Variants in PRELP observed in about 807,000 individuals in gnomAD.
PRELP encodes proline and arginine rich end leucine rich repeat protein.
In PRELP, 16 loss-of-function variants were observed where a neutral mutation model predicts 22.8. The observed-to-expected ratio is 0.70, with a 90% CI of 0.47 to 1.06. PRELP has a LOEUF of 1.06. PRELP is among the 50% of genes least tolerant of loss of function. PRELP has a pLI of 0.00. For synonymous variants in PRELP, 233 were observed against 211.4 expected (o/e 1.10, Z -0.89); for missense variants, 434 against 485.2 (o/e 0.89, Z 0.99).
intron 1 of PRELP, among the ~76,000 whole-genome samples, chr1:203,477,452 C>T (rs1300161556): frequency 6.6e-6 from 1 of 152,162 alleles, no homozygotes; most frequent in Admixed American, 6.5e-5. Context: ...ATATATACCA[C>T]AGAGGAACAT....
chr1:203,486,631 T>C, intron 2 of PRELP, 75 bp from the exon 3 acceptor site: 1 of 1,415,964 alleles, frequency 7.1e-7, no homozygotes, highest in Non-Finnish European at 9.8e-7. Context: ...CTCTCGGGTG[T>C]CTTCCCCCTT....
chr1:203,479,468 T>C (rs572330742), intron 1 of PRELP, among the ~76,000 whole-genome samples: 2 of 152,004 alleles, frequency 1.3e-5, no homozygotes, highest in Non-Finnish European at 2.9e-5. Context: ...TTTGGGAGAC[T>C]GAGGAGGACA....
intron 2 of PRELP, among the ~76,000 whole-genome samples, chr1:203,485,828 C>A (rs1298287326): frequency 6.6e-6 from 1 of 152,190 alleles, no homozygotes; most frequent in South Asian, 2.1e-4. Context: ...TGCTGGCATG[C>A]CTGGTGCCAC....
Position 203,489,886 on chromosome 1 carries a change from G to A in PRELP, c.*3005G>A, listed in dbSNP as rs1661161333. 6.6e-6 allele frequency: 1 copy of A among 152,108 alleles called. No individual in the cohort carries two copies. Among genetic ancestry groups the A allele is most frequent in the Non-Finnish European group, 1.5e-5 (1 of 68,050 alleles). 9.4% of individuals were successfully genotyped at this position (152,108 alleles called of 1,614,324 possible). A position where few individuals can be genotyped will look rare whatever the true frequency, so the allele number is the denominator to read the frequency against. On this transcript the variant is annotated 3_prime_UTR_variant, in exon 3 of 3. Transcript: ENST00000343110. ...GCAGGAGAATTGCTTGAACCCTGGA[G>A]GCAGAAGTTGCAGTGAGCCGAGATC...
intron 2 of PRELP, among the ~76,000 whole-genome samples, chr1:203,486,215 A>T (rs182953993): frequency 2.6e-5 from 4 of 152,188 alleles, no homozygotes; most frequent in Admixed American, 2.6e-4. Flanking sequence ...TCTCACAAAG[A>T]CAGTCCTGTT....
At position 203,486,909 on chromosome 1, in the gene PRELP, G is replaced by C. The variant is rs1475117963; in HGVS notation, c.*28G>C. ...CCTACTCCGCCACCGGATCTGCTCTGACCGCACTTGAAGGCTGGGGCCCAG... is the reference window on the plus strand; with the variant it reads ...CCTACTCCGCCACCGGATCTGCTCTCACCGCACTTGAAGGCTGGGGCCCAG... On this transcript the variant is annotated 3_prime_UTR_variant, in exon 3 of 3. Transcript: ENST00000343110. 4.4e-6 allele frequency: 7 copies of C among 1,581,196 alleles called. No individual in the cohort carries two copies. Among genetic ancestry groups the C allele is most frequent in the Non-Finnish European group, 6.0e-6 (7 of 1,158,552 alleles).
At chr1:203,477,499 G>T (rs1304408759) in intron 1 of PRELP, among the ~76,000 whole-genome samples, 1 of 152,142 alleles carries the variant, frequency 6.6e-6, no homozygotes, top group Non-Finnish European at 1.5e-5. Flanking sequence ...GCTCCACAGA[G>T]CTTCTGTTTC....
intron 2 of PRELP, 113 bp from the exon 3 acceptor site, chr1:203,486,593 A>T: frequency 9.9e-7 from 1 of 1,010,410 alleles, no homozygotes; most frequent in Non-Finnish European, 1.5e-6. Context: ...AAAGCTAGCC[A>T]GTTTCAGAGA....
At chr1:203,484,404 G>A (rs1208322993) in intron 2 of PRELP, among the ~76,000 whole-genome samples, 1 of 152,258 alleles carries the variant, frequency 6.6e-6, no homozygotes, top group East Asian at 1.9e-4. Context: ...GTGATATGAG[G>A]ATGTAATAGT....
chr1:203,484,151 A>G lies in PRELP; in HGVS notation c.967A>G (p.Ile323Val), dbSNP rs781755298. 1 of 1,107,588 alleles carries G rather than the reference A, an allele frequency of 9.0e-7. No homozygotes were observed. 68.6% of individuals were successfully genotyped at this position (1,107,588 alleles called of 1,614,324 possible). ...ACACCTGTACCTCAACAACAATAGC[A>G]TCGAGAGTGAGTGGGGTGGGCCGGG... Reference protein sequence around the residue: ...LEHLYLNNNSIEKINGTQICP... With the variant: ...LEHLYLNNNSVEKINGTQICP... Residue 323 changes from isoleucine to valine, a missense_variant, in exon 2 of 3, where the codon ATC becomes GTC. Transcript: ENST00000343110.
At chr1:203,477,618 C>CT (rs1660933169) in intron 1 of PRELP, among the ~76,000 whole-genome samples, 1 of 152,212 alleles carries the variant, frequency 6.6e-6, no homozygotes, top group African/African-American at 2.4e-5. Flanking sequence ...CCTGTCTGGG[C>CT]TCTCACAGAG....
intron 2 of PRELP, among the ~76,000 whole-genome samples, chr1:203,485,701 G>A (rs1395815363): frequency 6.6e-6 from 1 of 152,120 alleles, no homozygotes; most frequent in African/African-American, 2.4e-5. Context: ...GAAGAAAGAC[G>A]AGGAAAAGGA....
chr1:203,488,039 G>A lies in PRELP; in HGVS notation c.*1158G>A, dbSNP rs1401300494. ...AGGAGGCCCGTGGGGTCCCAACACG[G>A]AAGAGCCATGGGCCGTGTGCATGGT... On this transcript the variant is annotated 3_prime_UTR_variant, in exon 3 of 3. Coordinates refer to ENST00000343110, the MANE Select transcript of PRELP (RefSeq NM_002725.4). 2 of 152,302 alleles carry A rather than the reference G, an allele frequency of 1.3e-5. No individual in the cohort carries two copies. The highest frequency in any genetic ancestry group is 4.8e-5 in the African/African-American group (2 of 41,470). 9.4% of individuals were successfully genotyped at this position (152,302 alleles called of 1,614,324 possible).
At chr1:203,479,620 C>T (rs951645068) in intron 1 of PRELP, among the ~76,000 whole-genome samples, 3 of 147,900 alleles carry the variant, frequency 2.0e-5, no homozygotes, top group African/African-American at 5.0e-5. Flanking sequence ...GAAGGATCAC[C>T]TGAGCCCAGG....
chr1:203,480,377 T>G (rs1157722232), intron 1 of PRELP, among the ~76,000 whole-genome samples: 2 of 152,308 alleles, frequency 1.3e-5, no homozygotes, highest in Admixed American at 6.5e-5. Context: ...TAAGGAATCT[T>G]ATGATTGGAC....
At chr1:203,482,152 A>G (rs1661011672) in intron 1 of PRELP, among the ~76,000 whole-genome samples, 1 of 152,178 alleles carries the variant, frequency 6.6e-6, no homozygotes, top group South Asian at 2.1e-4. Context: ...ACATCCTAAC[A>G]TCCCTCTCAT....
At chr1:203,481,012 A>ACCTCG (rs1553299744) in intron 1 of PRELP, among the ~76,000 whole-genome samples, 1 of 150,284 alleles carries the variant, frequency 6.7e-6, no homozygotes, top group East Asian at 2.0e-4. Context: ...AGCCAAGGAA[A>ACCTCG]CCCCGCCCCG....
At chr1:203,486,555 G>C (rs1284031139) in intron 2 of PRELP, 151 bp from the exon 3 acceptor site, 8 of 655,748 alleles carry the variant, frequency 1.2e-5, no homozygotes, top group Non-Finnish European at 2.0e-5. Flanking sequence ...TGGAGGTCAA[G>C]GCAGCTCATC....
chr1:203,482,283 T>TC (rs2102207827), intron 1 of PRELP, among the ~76,000 whole-genome samples: 1 of 69,592 alleles, frequency 1.4e-5, no homozygotes, highest in African/African-American at 5.3e-5. Context: ...TCTTTCTTTC[T>TC]TTTTTTTTTT....
Sources: gnomAD v4.1 joint callset for allele counts (sites outside exome capture counted in the v4.1 genomes callset) on GRCh38, gnomAD v4.1.1 for gene constraint, MANE v1.5 for transcripts, NCBI Gene and HGNC (gene_info 2026-07-23, HGNC 2026-07-21) for gene names.